The following OPCML variants were observed in gnomAD, a reference collection of about 807,000 sequenced individuals.
OPCML encodes the protein opioid-binding protein/cell adhesion molecule.
In OPCML, 13 loss-of-function variants were observed where a neutral mutation model predicts 37.8. The observed-to-expected ratio is 0.34, with a 90% CI of 0.22 to 0.55. The LOEUF (loss-of-function observed/expected upper bound fraction) is 0.55, where lower values mean the gene tolerates loss of function less well. Ranked by LOEUF, OPCML falls within the 20% of genes least tolerant of loss-of-function variation. The pLI is 0.91. For synonymous variants in OPCML, 176 were observed against 168.8 expected, an observed-to-expected ratio of 1.04 and a Z score of -0.33; for missense variants, 341 against 435.6, an observed-to-expected ratio of 0.78 and a Z score of 1.93.
At chr11:132,697,974 TTCTATTTA>T (rs1241258966) in intron 2 of OPCML, among the ~76,000 whole-genome samples, 1 of 139,198 alleles carries the variant, frequency 7.2e-6, no homozygotes, top group Non-Finnish European at 1.5e-5. Flanking sequence ...TTATTTTATT[TTCTATTTA>T]TTTATTTATT....
chr11:133,143,023 A>C (rs1300069659), intron 1 of OPCML, among the ~76,000 whole-genome samples: 1 of 152,122 alleles, frequency 6.6e-6, no homozygotes, highest in Non-Finnish European at 1.5e-5. Context: ...CTCTCCAGAG[A>C]CCACGTTCCT....
chr11:133,198,149 T>C lies in OPCML; in HGVS notation c.62-255139A>G, dbSNP rs117080569. 9.8e-5 allele frequency among the ~76,000 whole-genome samples: 15 copies of C among 152,372 alleles called. No individual in the cohort carries two copies. In the East Asian group the frequency reaches 2.7e-3, roughly 27 times the overall value. ...CCAAAATGGGTTCAAAGGATTTCTA[T>C]CTCATTCAACGATTTTTATATTGAT... On this transcript the variant is annotated intron_variant, in intron 1 of 7. Coordinates refer to ENST00000524381, the MANE Select transcript of OPCML (RefSeq NM_001012393.5).
At chr11:132,697,222 G>T (rs1254780441) in intron 2 of OPCML, among the ~76,000 whole-genome samples, 1 of 152,142 alleles carries the variant, frequency 6.6e-6, no homozygotes. Flanking sequence ...TGAAATGATT[G>T]CCACAGTCAT....
intron 1 of OPCML, among the ~76,000 whole-genome samples, chr11:133,439,690 A>G (rs1005900797): frequency 6.6e-6 from 1 of 151,872 alleles, no homozygotes; most frequent in African/African-American, 2.4e-5. Context: ...GATGGTCTCG[A>G]TCTCCTGACT....
intron 2 of OPCML, among the ~76,000 whole-genome samples, chr11:132,781,958 T>A (rs868334318): frequency 0.12 from 9,645 of 81,692 alleles, 304 homozygotes; most frequent in African/African-American, 0.22. Context: ...ATATATATTT[T>A]TTTTTTTTTT....
intron 7 of OPCML, among the ~76,000 whole-genome samples, chr11:132,424,524 T>G (rs1375717658): frequency 6.6e-6 from 1 of 152,172 alleles, no homozygotes; most frequent in African/African-American, 2.4e-5. Flanking sequence ...GCAGACTTCC[T>G]GGAAGCATAA....
At chr11:133,377,525 A>G (rs1268760795) in intron 1 of OPCML, among the ~76,000 whole-genome samples, 1 of 147,176 alleles carries the variant, frequency 6.8e-6, no homozygotes, top group Non-Finnish European at 1.5e-5. Context: ...CACAGGCCCC[A>G]GCAGCTGTGG....
At chr11:132,980,842 G>T (rs897060123) in intron 1 of OPCML, among the ~76,000 whole-genome samples, 6 of 152,204 alleles carry the variant, frequency 3.9e-5, no homozygotes, top group African/African-American at 1.4e-4. Context: ...GAATTTCGAG[G>T]TGTACGGTGA....
At chr11:132,970,411 T>C (rs1946315568) in intron 1 of OPCML, among the ~76,000 whole-genome samples, 1 of 152,146 alleles carries the variant, frequency 6.6e-6, no homozygotes, top group Admixed American at 6.5e-5. Flanking sequence ...ACCCCAGCTT[T>C]TCCTTAATTT....
chr11:132,533,031 G>A (rs2096330378), intron 3 of OPCML, among the ~76,000 whole-genome samples: 1 of 152,048 alleles, frequency 6.6e-6, no homozygotes, highest in South Asian at 2.1e-4. Flanking sequence ...TATACATATT[G>A]CTACTGCTTG....
At chr11:133,112,565 T>C (rs1949272770) in intron 1 of OPCML, among the ~76,000 whole-genome samples, 1 of 152,124 alleles carries the variant, frequency 6.6e-6, no homozygotes, top group Non-Finnish European at 1.5e-5. Context: ...TTTCTTAAAA[T>C]ATAAGATTGG....
At chr11:132,656,215 G>T (rs948915229) in intron 3 of OPCML, among the ~76,000 whole-genome samples, 10 of 152,168 alleles carry the variant, frequency 6.6e-5, no homozygotes, top group Admixed American at 5.9e-4. Context: ...GATAGTTGGG[G>T]TCAAGTTCAA....
chr11:132,807,701 C>T (rs1371286284), intron 2 of OPCML, among the ~76,000 whole-genome samples: 2 of 152,120 alleles, frequency 1.3e-5, no homozygotes, highest in African/African-American at 2.4e-5. Flanking sequence ...AGCTATAAAA[C>T]GGGAGGTCAG....
intron 4 of OPCML, among the ~76,000 whole-genome samples, chr11:132,450,927 G>C (rs1425795380): frequency 6.6e-6 from 1 of 152,124 alleles, no homozygotes; most frequent in Non-Finnish European, 1.5e-5. Context: ...ATAGTCAGTA[G>C]CTGTTTGAAA....
chr11:132,627,862 G>C (rs1257499329), intron 3 of OPCML, among the ~76,000 whole-genome samples: 1 of 152,188 alleles, frequency 6.6e-6, no homozygotes, highest in Non-Finnish European at 1.5e-5. Context: ...ATAACTTTGG[G>C]AAGAAGAGTT....
intron 1 of OPCML, among the ~76,000 whole-genome samples, chr11:133,184,690 T>A (rs572898800): frequency 5.3e-5 from 8 of 152,348 alleles, no homozygotes; most frequent in African/African-American, 1.9e-4. Context: ...AGTAGGACAG[T>A]AGATCTCGGT....
chr11:133,101,198 C>T (rs1183086554), intron 1 of OPCML, among the ~76,000 whole-genome samples: 3 of 152,176 alleles, frequency 2.0e-5, no homozygotes, highest in Non-Finnish European at 4.4e-5. Context: ...GCTAGGGTGA[C>T]AAGTGTGAGC....
intron 1 of OPCML, among the ~76,000 whole-genome samples, chr11:133,319,799 C>T (rs1472633224): frequency 6.6e-6 from 1 of 152,194 alleles, no homozygotes; most frequent in African/African-American, 2.4e-5. Flanking sequence ...TTACAGCTGG[C>T]AGCTCCTGAG....
At chr11:133,180,352 C>T (rs1273630974) in intron 1 of OPCML, among the ~76,000 whole-genome samples, 1 of 152,156 alleles carries the variant, frequency 6.6e-6, no homozygotes, top group African/African-American at 2.4e-5. Flanking sequence ...CAGGTGGACA[C>T]GTGGCAGCAG....
Sources: gnomAD v4.1 joint callset for allele counts (sites outside exome capture counted in the v4.1 genomes callset) on GRCh38, gnomAD v4.1.1 for gene constraint, MANE v1.5 for transcripts, NCBI Gene and HGNC (gene_info 2026-07-23, HGNC 2026-07-21) for gene names.